The following ARHGAP39 variants were observed in gnomAD, a reference collection of about 807,000 sequenced individuals.
ARHGAP39 encodes the protein Rho GTPase activating protein 39.
ARHGAP39 carries 44 observed loss-of-function variants against 106.9 expected under a neutral mutation model. That is an observed-to-expected ratio of 0.41 (90% confidence interval 0.32 to 0.53). The LOEUF is 0.53. Among genes scored for constraint, ARHGAP39 ranks in the 20% least tolerant of loss-of-function variants. The probability of loss-of-function intolerance (pLI) is 0.21; values close to 1 mark genes in which losing one functional copy is unlikely to be tolerated. For synonymous variants in ARHGAP39, 768 were observed against 693.2 expected (o/e 1.11, Z -1.69); for missense variants, 1,496 against 1,577.3 (o/e 0.95, Z 0.87).
intron 1 of ARHGAP39, among the ~76,000 whole-genome samples, chr8:144,630,764 G>A (rs929887174): frequency 3.9e-5 from 6 of 152,254 alleles, no homozygotes; most frequent in Non-Finnish European, 5.9e-5. Flanking sequence ...TGCCAGTGAG[G>A]AGCTGGCCCT....
intron 3 of ARHGAP39, among the ~76,000 whole-genome samples, chr8:144,576,400 G>A (rs1586570460): frequency 6.6e-6 from 1 of 150,474 alleles, no homozygotes; most frequent in African/African-American, 2.5e-5. Flanking sequence ...TGGAAGTCCT[G>A]GCCCCAATAG....
Position 144,545,495 on chromosome 8 carries a change from C to T in ARHGAP39, c.2275G>A (p.Ala759Thr), listed in dbSNP as rs780475892. Reference sequence around the variant, plus strand: ...GCCACGTGCAGTGGGTCGGCCTTGGCCCGCCGGTCACCCATGTACATCTGG... The same window carrying T: ...GCCACGTGCAGTGGGTCGGCCTTGGTCCGCCGGTCACCCATGTACATCTGG... ...LIQMYMGDRR[A>T]KADPLHVALE... Residue 759 changes from alanine to threonine, a missense_variant, in exon 6 of 12, where the codon GCC becomes ACC. Coordinates refer to ENST00000377307, the MANE Select transcript of ARHGAP39 (RefSeq NM_025251.3). 17 of 1,607,364 alleles carry T rather than the reference C, an allele frequency of 1.1e-5. No homozygotes were observed. Among genetic ancestry groups the T allele is most frequent in the Non-Finnish European group, 1.3e-5 (15 of 1,175,518 alleles).
rs67038997 is a variant in ARHGAP39, at chr8:144,576,332, CAAAAAAAAAAAAA to C, written c.512+4501_512+4513del. 1.4e-4 allele frequency among the ~76,000 whole-genome samples: 9 copies of C among 63,812 alleles called. No homozygotes were observed. The Admixed American group carries it at 1.5e-3, about 11-fold the overall frequency. The allele number at this position is 63,812 out of a possible 152,430, so 41.9% of individuals were successfully genotyped here. On this transcript the variant is annotated intron_variant, in intron 3 of 11. Transcript: ENST00000377307. Reference sequence around the variant, plus strand: ...TGGGCGACAGAGTGAGACTCCGTCTCAAAAAAAAAAAAAAAAAAAAAAAAAGAACGAAAAAAAA... The same window carrying C: ...TGGGCGACAGAGTGAGACTCCGTCTCAAAAAAAAAAAAGAACGAAAAAAAA...
At chr8:144,608,931 ACTT>A in intron 1 of ARHGAP39, among the ~76,000 whole-genome samples, 1 of 152,312 alleles carries the variant, frequency 6.6e-6, no homozygotes, top group South Asian at 2.1e-4. Context: ...TGATAAACTC[ACTT>A]ATTAGTTCTA....
chr8:144,664,959 T>C (rs909541722), intron 1 of ARHGAP39, among the ~76,000 whole-genome samples: 4 of 152,146 alleles, frequency 2.6e-5, no homozygotes, highest in African/African-American at 9.7e-5. Context: ...TTGGAACAGT[T>C]TGGAGGGTTC....
intron 6 of ARHGAP39, among the ~76,000 whole-genome samples, chr8:144,542,606 C>T (rs1435010587): frequency 6.6e-6 from 1 of 151,818 alleles, no homozygotes; most frequent in Non-Finnish European, 1.5e-5. Flanking sequence ...TCCTGCTTTT[C>T]TTTCTTTCTT....
In ARHGAP39 at chr8:144,623,078, C is replaced by T. The variant is rs371268356; in HGVS notation, c.-81-17383G>A. 5.3e-5 allele frequency among the ~76,000 whole-genome samples: 8 copies of T among 152,316 alleles called. No homozygotes were observed. In the East Asian group the frequency reaches 1.2e-3, roughly 22 times the overall value. On this transcript the variant is annotated intron_variant, in intron 1 of 11. Transcript: ENST00000377307. ...ACGGGGAGGGCAAGTCCTGTGTGGA[C>T]GGAGTGCTCAGAATAAAATGTTCCT...
chr8:144,681,135 C>A (rs2129765440), intron 1 of ARHGAP39, among the ~76,000 whole-genome samples: 1 of 152,150 alleles, frequency 6.6e-6, no homozygotes, highest in Non-Finnish European at 1.5e-5. Context: ...TCAGACTCAA[C>A]CTCAGGGCAC....
At position 144,670,931 on chromosome 8, in the gene ARHGAP39, C is replaced by T. The variant is rs573746750; in HGVS notation, c.-82+14755G>A. 2.6e-5 allele frequency among the ~76,000 whole-genome samples: 4 copies of T among 152,314 alleles called. No homozygotes were observed. In the South Asian group the frequency reaches 8.3e-4, roughly 32 times the overall value. On this transcript the variant is annotated intron_variant, in intron 1 of 11. Coordinates refer to ENST00000377307, the MANE Select transcript of ARHGAP39 (RefSeq NM_025251.3). This position sits in a 1 kb window ranked among gnomAD's most constrained non-coding sequence, Gnocchi z 4.4. Reference sequence around the variant, plus strand: ...GGAATGGATGACCAGAAAGGCACGACCACCTAATCCAGCTCTGATGACGCT... The same window carrying T: ...GGAATGGATGACCAGAAAGGCACGATCACCTAATCCAGCTCTGATGACGCT...
At chr8:144,537,549 G>A (rs1430982488) in intron 7 of ARHGAP39, among the ~76,000 whole-genome samples, 172 bp downstream of exon 7, 1 of 152,172 alleles carries the variant, frequency 6.6e-6, no homozygotes, top group African/African-American at 2.4e-5. Flanking sequence ...CCGCTCCAGG[G>A]GTCCAGTCAG....
intron 2 of ARHGAP39, among the ~76,000 whole-genome samples, chr8:144,587,682 T>G (rs1006790045): frequency 5.3e-5 from 7 of 132,718 alleles, no homozygotes; most frequent in Admixed American, 8.1e-5. Context: ...TGAGACGGAG[T>G]CTCGCTCCGT....
At chr8:144,533,769 G>A (rs1208576971) in intron 8 of ARHGAP39, among the ~76,000 whole-genome samples, 1 of 152,220 alleles carries the variant, frequency 6.6e-6, no homozygotes, top group Non-Finnish European at 1.5e-5. Flanking sequence ...GGCTGAGAGC[G>A]CTGGGGAGGG....
Position 144,658,667 on chromosome 8 carries a change from G to A in ARHGAP39, c.-82+27019C>T, listed in dbSNP as rs1821754351. Among the ~76,000 whole-genome samples, 15 of 152,222 alleles carry A rather than the reference G, an allele frequency of 9.9e-5. No homozygotes were observed. The South Asian group carries it at 3.1e-3, about 32-fold the overall frequency. ...CCATTCCCCATGGACACTGAGGGAT[G>A]ACTGTGTATCATAACAAACAGCGAA... On this transcript the variant is annotated intron_variant, in intron 1 of 11. Coordinates refer to ENST00000377307, the MANE Select transcript of ARHGAP39 (RefSeq NM_025251.3).
rs1198928836 is a variant in ARHGAP39, at chr8:144,679,869, A to G, written c.-82+5817T>C. 6.6e-6 allele frequency among the ~76,000 whole-genome samples: 1 copy of G among 152,182 alleles called. No individual in the cohort carries two copies. Among genetic ancestry groups the G allele is most frequent in the African/African-American group, 2.4e-5 (1 of 41,448 alleles). On this transcript the variant is annotated intron_variant, in intron 1 of 11. Transcript: ENST00000377307. This position sits in a 1 kb window ranked among gnomAD's most constrained non-coding sequence, Gnocchi z 4.7. ...GTGGTAGGCACCTGTAGTCCCAGTT[A>G]CTTGGGAGGCTGAGGCAGGAGAATG...
At chr8:144,694,127 CTGAG>C in the ARHGAP39 span, among the ~76,000 whole-genome samples, 19 of 152,150 alleles carry the variant, frequency 1.2e-4, no homozygotes, top group Non-Finnish European at 2.4e-4. Flanking sequence ...GTCTGGGGAC[CTGAG>C]TGAGTGGATG....
At position 144,548,280 on chromosome 8, in the gene ARHGAP39, T is replaced by C. The variant is rs1817553612; in HGVS notation, c.806A>G (p.Glu269Gly). The change falls in exon 5 of 12, where the codon GAG (glutamate) becomes GGG (glycine). Residue 269 changes from glutamate to glycine, a missense_variant. Transcript: ENST00000377307. This position sits in a 1 kb window ranked among gnomAD's most constrained non-coding sequence, Gnocchi z 7.4. ...PEADGTIFFP[E>G]RRPSPFLKRA... ...CTTCAGGAAGGGTGACGGCCTCCTC[T>C]CTGGGAAGAAGATGGTGCCGTCAGC... The C allele has an allele frequency of 1.2e-6, 2 of 1,608,822 alleles. No individual in the cohort carries two copies.
At chr8:144,621,764 G>A (rs1403692798) in intron 1 of ARHGAP39, among the ~76,000 whole-genome samples, 1 of 152,234 alleles carries the variant, frequency 6.6e-6, no homozygotes, top group Non-Finnish European at 1.5e-5. Context: ...GCTGCAGTGA[G>A]CCAAGATATC....
At chr8:144,600,667 CTT>C (rs1177320539) in intron 2 of ARHGAP39, among the ~76,000 whole-genome samples, 3 of 144,394 alleles carry the variant, frequency 2.1e-5, no homozygotes, top group Non-Finnish European at 4.5e-5. Flanking sequence ...TGCGTGCACA[CTT>C]GTGTACCTGC....
At chr8:144,648,889 C>T (rs369263819) in intron 1 of ARHGAP39, among the ~76,000 whole-genome samples, 2 of 152,224 alleles carry the variant, frequency 1.3e-5, no homozygotes, top group Admixed American at 6.5e-5. Context: ...TAAATGCCCA[C>T]ATCAGAAAGT....
Sources: allele counts gnomAD v4.1 joint callset (sites outside exome capture counted in the v4.1 genomes callset), GRCh38; gene constraint gnomAD v4.1.1; non-coding constraint Gnocchi (gnomAD v3.1); transcripts MANE v1.5; gene names NCBI Gene and HGNC (gene_info 2026-07-23, HGNC 2026-07-21).